Variants in ZNF804B observed in about 807,000 individuals in gnomAD.
ZNF804B encodes zinc finger protein 804B.
A neutral mutation model predicts 101.4 loss-of-function variants in ZNF804B; 80 were observed. That is an observed-to-expected ratio of 0.79 (90% CI 0.66 to 0.95). The LOEUF is 0.95. ZNF804B is among the 40% of genes least tolerant of loss of function. The pLI is 0.00. For synonymous variants in ZNF804B, 622 were observed against 558.8 expected, an observed-to-expected ratio of 1.11 and a Z score of -1.59; for missense variants, 1,673 against 1,561.9, an observed-to-expected ratio of 1.07 and a Z score of -1.20.
At chr7:89,270,470 C>T (rs1470655160) in intron 2 of ZNF804B, among the ~76,000 whole-genome samples, 1 of 152,066 alleles carries the variant, frequency 6.6e-6, no homozygotes, top group Non-Finnish European at 1.5e-5. Context: ...TTACTGTAGC[C>T]TTGTAGTATA....
At chr7:89,326,225 G>A (rs1190179276) in intron 2 of ZNF804B, among the ~76,000 whole-genome samples, 3 of 151,902 alleles carry the variant, frequency 2.0e-5, no homozygotes, top group African/African-American at 4.8e-5. Flanking sequence ...ATTCCGTGAG[G>A]TTCTTGTTCT....
chr7:89,273,892 G>C (rs1431485081), intron 2 of ZNF804B, among the ~76,000 whole-genome samples: 1 of 151,552 alleles, frequency 6.6e-6, no homozygotes. Flanking sequence ...TTATTTTTCT[G>C]CATCAATAAT....
intron 1 of ZNF804B, among the ~76,000 whole-genome samples, chr7:89,185,076 A>G (rs1788355936): frequency 6.6e-6 from 1 of 152,204 alleles, no homozygotes; most frequent in Non-Finnish European, 1.5e-5. Context: ...AGCAGAAAGA[A>G]TCTTCTCAAT....
intron 1 of ZNF804B, among the ~76,000 whole-genome samples, chr7:89,074,715 G>A (rs1789590253): frequency 6.6e-6 from 1 of 152,166 alleles, no homozygotes; most frequent in Non-Finnish European, 1.5e-5. Context: ...AAGTGACTTT[G>A]GAACTGGGTA....
At chr7:89,267,678 A>T (rs996274284) in intron 2 of ZNF804B, among the ~76,000 whole-genome samples, 1 of 152,182 alleles carries the variant, frequency 6.6e-6, no homozygotes, top group Non-Finnish European at 1.5e-5. Flanking sequence ...CTACTGCTGA[A>T]ATCGGTAGCA....
At chr7:89,028,425 T>A (rs929519199) in intron 1 of ZNF804B, among the ~76,000 whole-genome samples, 3 of 152,160 alleles carry the variant, frequency 2.0e-5, no homozygotes, top group African/African-American at 7.2e-5. Flanking sequence ...AAACACCAGT[T>A]GAGGTTGGAA....
intron 1 of ZNF804B, among the ~76,000 whole-genome samples, chr7:88,781,070 A>G (rs927892880): frequency 6.6e-5 from 10 of 152,206 alleles, no homozygotes; most frequent in Non-Finnish European, 2.9e-5. Flanking sequence ...ACAAAACCCC[A>G]TAAAAGCGAC....
intron 1 of ZNF804B, among the ~76,000 whole-genome samples, chr7:89,016,071 A>G (rs1000314773): frequency 3.3e-5 from 5 of 152,074 alleles, no homozygotes; most frequent in African/African-American, 7.2e-5. Context: ...TTTGATTTGC[A>G]TTTCTCTGAT....
intron 2 of ZNF804B, among the ~76,000 whole-genome samples, chr7:89,313,775 T>C (rs1790678856): frequency 6.6e-6 from 1 of 152,182 alleles, no homozygotes; most frequent in East Asian, 1.9e-4. Context: ...ATCAAATGCA[T>C]TGTGAAAAGT....
At chr7:89,270,906 A>G (rs543158921) in intron 2 of ZNF804B, among the ~76,000 whole-genome samples, 1 of 152,280 alleles carries the variant, frequency 6.6e-6, no homozygotes, top group South Asian at 2.1e-4. Flanking sequence ...TGAATTTTGT[A>G]CATTGATTTT....
chr7:89,253,865 G>T (rs563313428), intron 2 of ZNF804B, among the ~76,000 whole-genome samples: 3 of 151,880 alleles, frequency 2.0e-5, no homozygotes, highest in Admixed American at 2.0e-4. Context: ...TGCAAACCCC[G>T]TTTATACTAG....
chr7:89,306,711 T>G (rs38932), intron 2 of ZNF804B, among the ~76,000 whole-genome samples: 51,928 of 151,698 alleles, frequency 0.34, 9,369 homozygotes, highest in Non-Finnish European at 0.4. Context: ...GTAGGGAAGA[T>G]ACATAAAAAT....
rs1383140423 is a variant in ZNF804B, at chr7:89,094,669, TATA to T, written c.109-123485_109-123483del. 7.5e-5 allele frequency among the ~76,000 whole-genome samples: 9 copies of T among 119,798 alleles called. No homozygotes were observed. The East Asian group carries it at 1.4e-3, about 18-fold the overall frequency. The allele number at this position is 119,798 out of a possible 152,430, so 78.6% of individuals were successfully genotyped here. A position where few individuals can be genotyped will look rare whatever the true frequency, so the allele number is the denominator to read the frequency against. On this transcript the variant is annotated intron_variant, in intron 1 of 3. Coordinates refer to ENST00000333190, the MANE Select transcript of ZNF804B (RefSeq NM_181646.5). ...TTCTGATGAAAACCAAAGAGTTGTT[TATA>T]CATTTTTTTTTCAGTTTGTAGACTT...
chr7:89,161,057 C>T (rs1791053928), intron 1 of ZNF804B, among the ~76,000 whole-genome samples: 1 of 152,074 alleles, frequency 6.6e-6, no homozygotes, highest in Admixed American at 6.6e-5. Context: ...AACCACCTTT[C>T]CTGGAGAGAT....
intron 2 of ZNF804B, among the ~76,000 whole-genome samples, chr7:89,280,568 G>C (rs1458819317): frequency 6.6e-6 from 1 of 152,002 alleles, no homozygotes; most frequent in Non-Finnish European, 1.5e-5. Context: ...AATGATAAAG[G>C]GGATATCACC....
At chr7:89,087,627 T>C (rs2116321079) in intron 1 of ZNF804B, among the ~76,000 whole-genome samples, 1 of 152,146 alleles carries the variant, frequency 6.6e-6, no homozygotes, top group African/African-American at 2.4e-5. Flanking sequence ...TGTTAGTGTC[T>C]GTTGAACTTT....
intron 3 of ZNF804B, among the ~76,000 whole-genome samples, chr7:89,330,646 A>T (rs796388718): frequency 6.6e-6 from 1 of 151,580 alleles, no homozygotes; most frequent in South Asian, 2.1e-4. Flanking sequence ...ATTAAAATTT[A>T]TAAAGCAACA....
At chr7:89,153,429 GATA>G (rs58654760) in intron 1 of ZNF804B, among the ~76,000 whole-genome samples, 10,225 of 145,374 alleles carry the variant, frequency 0.07, 512 homozygotes, top group African/African-American at 0.14. Flanking sequence ...TGATGATGAT[GATA>G]ATAATAATAA....
chr7:89,132,164 A>G (rs932527791), intron 1 of ZNF804B, among the ~76,000 whole-genome samples: 124 of 55,834 alleles, frequency 2.2e-3, no homozygotes, highest in African/African-American at 0.015. Context: ...GAACACACGC[A>G]CACATACACA....
Sources: allele counts gnomAD v4.1 joint callset (sites outside exome capture counted in the v4.1 genomes callset), GRCh38; gene constraint gnomAD v4.1.1; transcripts MANE v1.5; gene names NCBI Gene and HGNC (gene_info 2026-07-23, HGNC 2026-07-21).